GPR107: variants seen among roughly 807,000 people sequenced by gnomAD.
GPR107 encodes the protein G protein-coupled receptor 107.
Under a neutral mutation model 75.5 loss-of-function variants are expected in GPR107, and 31 were observed. The ratio of observed to expected loss-of-function variants is 0.41; its 90% CI spans 0.31 to 0.55. The LOEUF is 0.55. Ranked by LOEUF, GPR107 falls within the 20% of genes least tolerant of loss-of-function variation. GPR107 has a pLI of 0.26. For synonymous variants in GPR107, 267 were observed against 251.3 expected, an observed-to-expected ratio of 1.06 and a Z score of -0.59; for missense variants, 572 against 665.7, an observed-to-expected ratio of 0.86 and a Z score of 1.55.
Position 130,103,788 on chromosome 9 carries a change from A to G in GPR107, c.1132-632A>G, listed in dbSNP as rs1304004569. On this transcript the variant is annotated intron_variant, in intron 12 of 17. Coordinates refer to ENST00000347136, the MANE Select transcript of GPR107 (RefSeq NM_020960.5). The surrounding 1 kb of genome is among the most constrained non-coding windows in gnomAD (Gnocchi z 4.3). ...TCCACTGGGTTTGGGGTACCTGAAA[A>G]GCAAAGTGTCCCTGTTATCTACTGC... Among the ~76,000 whole-genome samples the G allele has an allele frequency of 2.0e-5, 3 of 152,220 alleles. No homozygotes were observed. The East Asian group carries it at 5.8e-4, about 29-fold the overall frequency.
intron 6 of GPR107, among the ~76,000 whole-genome samples, chr9:130,083,941 A>G (rs1830552110): frequency 6.6e-6 from 1 of 151,324 alleles, no homozygotes; most frequent in Non-Finnish European, 1.5e-5. Flanking sequence ...TTGGATTTTT[A>G]TTTATGTTAT....
intron 15 of GPR107, among the ~76,000 whole-genome samples, chr9:130,125,788 G>A (rs538654261): frequency 6.6e-6 from 1 of 152,150 alleles, no homozygotes; most frequent in Non-Finnish European, 1.5e-5. Context: ...GGTGGCTCAT[G>A]CCTATAATCC....
chr9:130,078,379 T>G (rs77462923), intron 4 of GPR107, among the ~76,000 whole-genome samples: 60 of 152,090 alleles, frequency 3.9e-4, no homozygotes, highest in African/African-American at 1.4e-3. Flanking sequence ...ATGAATAAGC[T>G]TCTAAAAAAA....
chr9:130,111,924 A>G (rs776118600), intron 14 of GPR107, among the ~76,000 whole-genome samples: 1 of 152,114 alleles, frequency 6.6e-6, no homozygotes, highest in Non-Finnish European at 1.5e-5. Flanking sequence ...GCTGCACTGC[A>G]TCCTCCGAGA....
At chr9:130,083,625 T>C in intron 6 of GPR107, 23 bp downstream of exon 6, 1 of 1,474,704 alleles carries the variant, frequency 6.8e-7, no homozygotes, top group Non-Finnish European at 9.0e-7. Flanking sequence ...CACCCTTTTG[T>C]GCTCAGCTTT....
chr9:130,090,887 C>T lies in GPR107; in HGVS notation c.633C>T (p.Asn211=), dbSNP rs1830715420. Reference sequence around the variant, plus strand: ...TTCTTCACTTTCAGTTTTTCTTTAACATCAGCACTGATGACCAAGAAGGCC... The same window carrying T: ...TTCTTCACTTTCAGTTTTTCTTTAATATCAGCACTGATGACCAAGAAGGCC... The part of the protein sequence containing the change: ...GGAVSFQFFF[N]ISTDDQEGLY... Residue 211 remains asparagine (N), a synonymous_variant, in exon 8 of 18, where the codon AAC becomes AAT. Transcript: ENST00000347136. 4 of 1,352,508 alleles carry T rather than the reference C, an allele frequency of 3.0e-6. No individual in the cohort carries two copies. The highest frequency in any genetic ancestry group is 4.2e-6 in the Non-Finnish European group (4 of 944,454). The allele number at this position is 1,352,508 out of a possible 1,614,324, so 83.8% of individuals were successfully genotyped here.
At chr9:130,061,521 A>G (rs752163850) in intron 1 of GPR107, among the ~76,000 whole-genome samples, 6 of 152,170 alleles carry the variant, frequency 3.9e-5, no homozygotes, top group Admixed American at 2.6e-4. Context: ...AGAGGTACAC[A>G]TGAGCCTGGA....
At chr9:130,098,877 G>T (rs1023936688) in intron 9 of GPR107, among the ~76,000 whole-genome samples, 1 of 134,746 alleles carries the variant, frequency 7.4e-6, no homozygotes, top group Non-Finnish European at 1.7e-5. Flanking sequence ...ACATCTTGGC[G>T]CACGCCTGTA....
intron 15 of GPR107, among the ~76,000 whole-genome samples, chr9:130,127,023 T>A (rs1831705949): frequency 2.0e-5 from 3 of 152,176 alleles, no homozygotes; most frequent in Admixed American, 2.0e-4. Flanking sequence ...TATTTGTACT[T>A]CTGTGAGTGT....
chr9:130,079,555 G>A lies in GPR107; in HGVS notation c.387-75G>A. 5.0e-6 allele frequency: 6 copies of A among 1,204,056 alleles called. 1 individual carries two copies. The highest frequency in any genetic ancestry group is 4.8e-4 in the Middle Eastern group (2 of 4,164). The allele number at this position is 1,204,056 out of a possible 1,614,324, so 74.6% of individuals were successfully genotyped here. A position where few individuals can be genotyped will look rare whatever the true frequency, so the allele number is the denominator to read the frequency against. On this transcript the variant is annotated intron_variant, in intron 4 of 17. Coordinates refer to ENST00000347136, the MANE Select transcript of GPR107 (RefSeq NM_020960.5). ...ATAAGGACTGCATGAGCTTGGCACA[G>A]GGCCTACACGCAGCGTGCTCAGTGG...
At chr9:130,123,227 CAG>C (rs1332874331) in intron 14 of GPR107, among the ~76,000 whole-genome samples, 2 of 151,582 alleles carry the variant, frequency 1.3e-5, no homozygotes, top group East Asian at 1.9e-4. Flanking sequence ...TTTTTTGAAA[CAG>C]AGTGTTGCTC....
rs560563558 is a variant in GPR107, at chr9:130,058,733, G to A, written c.141+4660G>A. ...GCCCGCCTCGGCCTCCCAAAGTTCT[G>A]GGATCACAGGTGTGAGCCACTGCGC... On this transcript the variant is annotated intron_variant, in intron 1 of 17. Transcript: ENST00000347136. 1.5e-3 allele frequency among the ~76,000 whole-genome samples: 227 copies of A among 152,262 alleles called. 1 individual carries two copies. The highest frequency in any genetic ancestry group is 3.9e-3 in the South Asian group (19 of 4,824).
intron 1 of GPR107, among the ~76,000 whole-genome samples, chr9:130,067,781 G>C: frequency 9.2e-6 from 1 of 108,114 alleles, no homozygotes; most frequent in East Asian, 3.1e-4. Flanking sequence ...GTCTCACTCT[G>C]TCATCCAGGC....
intron 14 of GPR107, among the ~76,000 whole-genome samples, chr9:130,123,370 A>C (rs1465470639): frequency 6.6e-6 from 1 of 151,954 alleles, no homozygotes; most frequent in Non-Finnish European, 1.5e-5. Context: ...TGTCTGGGTA[A>C]GTTTTGTATT....
At chr9:130,099,585 T>G (rs1830964592) in intron 10 of GPR107, 53 bp downstream of exon 10, 1 of 982,106 alleles carries the variant, frequency 1.0e-6, no homozygotes, top group Non-Finnish European at 1.6e-6. Context: ...AATGCCTGTG[T>G]GAGCAGGCAA....
intron 15 of GPR107, among the ~76,000 whole-genome samples, chr9:130,126,218 A>G (rs530221010): frequency 9.3e-4 from 118 of 126,308 alleles, no homozygotes; most frequent in African/African-American, 3.2e-3. Context: ...GAAAAGTTCT[A>G]TCAGCTAGCA....
At chr9:130,088,665 T>C (rs1433377624) in intron 7 of GPR107, among the ~76,000 whole-genome samples, 1 of 152,206 alleles carries the variant, frequency 6.6e-6, no homozygotes, top group African/African-American at 2.4e-5. Flanking sequence ...AAGTCGGTAT[T>C]GTTATTTTTT....
chr9:130,087,805 C>CAAAAAAAAAAAAAAAAAAAAAAAA (rs35984705), intron 7 of GPR107, among the ~76,000 whole-genome samples: 6 of 87,624 alleles, frequency 6.8e-5, no homozygotes, highest in Non-Finnish European at 1.1e-4. Flanking sequence ...GACCCTGTCT[C>CAAAAAAAAAAAAAAAAAAAAAAAA]AAAAAAAAAA....
At chr9:130,128,534 T>C in intron 16 of GPR107, 106 bp from the exon 17 acceptor site, 2 of 929,718 alleles carry the variant, frequency 2.2e-6, no homozygotes, top group Non-Finnish European at 3.4e-6. Flanking sequence ...TAAAGAACCA[T>C]CGAGTGGTGG....
Sources: allele counts gnomAD v4.1 joint callset (sites outside exome capture counted in the v4.1 genomes callset), GRCh38; gene constraint gnomAD v4.1.1; non-coding constraint Gnocchi (gnomAD v3.1); transcripts MANE v1.5; gene names NCBI Gene and HGNC (gene_info 2026-07-23, HGNC 2026-07-21).